The following OTULINL variants were observed in gnomAD, a reference collection of about 807,000 sequenced individuals.
OTULINL encodes inactive ubiquitin thioesterase OTULINL.
OTULINL carries 42 observed loss-of-function variants against 43.9 expected under a neutral mutation model. The ratio of observed to expected loss-of-function variants is 0.96; its 90% CI spans 0.75 to 1.24. The LOEUF (loss-of-function observed/expected upper bound fraction) is 1.24. Among genes scored for constraint, OTULINL ranks in the 50% most tolerant of loss-of-function variants. The pLI is 0.00. For missense variants in OTULINL, 411 were observed against 426.4 expected, an observed-to-expected ratio of 0.96 and a Z score of 0.32; for synonymous variants, 172 against 153.6, an observed-to-expected ratio of 1.12 and a Z score of -0.88.
At position 14,602,169 on chromosome 5, in the gene OTULINL, T is replaced by C. The variant is rs371184498; in HGVS notation, c.349-14T>C. ...GTGGAATTAATAAACAACTTTCTCTTTTTATTTTATTAGGCTTATGAGGAG... is the reference window on the plus strand; with the variant it reads ...GTGGAATTAATAAACAACTTTCTCTCTTTATTTTATTAGGCTTATGAGGAG... On this transcript the variant is annotated splice_polypyrimidine_tract_variant and intron_variant, in intron 4 of 7. Coordinates refer to ENST00000274217, the MANE Select transcript of OTULINL (RefSeq NM_019018.3). 1.8e-5 allele frequency: 28 copies of C among 1,548,230 alleles called. No individual in the cohort carries two copies. Among genetic ancestry groups the C allele is most frequent in the South Asian group, 3.8e-5 (3 of 79,112 alleles).
At chr5:14,601,574 C>A in intron 4 of OTULINL, 132 bp downstream of exon 4, 1 of 833,180 alleles carries the variant, frequency 1.2e-6, no homozygotes. Flanking sequence ...ACAACTGTGG[C>A]TCTAACTCAA....
intron 1 of OTULINL, among the ~76,000 whole-genome samples, chr5:14,592,345 A>G (rs1454563726): frequency 1.3e-5 from 2 of 152,248 alleles, no homozygotes; most frequent in African/African-American, 4.8e-5. Flanking sequence ...GATGGAAATG[A>G]TAGAACTTCG....
intron 1 of OTULINL, among the ~76,000 whole-genome samples, chr5:14,585,536 G>T (rs1416662459): frequency 5.9e-5 from 9 of 152,132 alleles, no homozygotes; most frequent in Non-Finnish European, 1.3e-4. Flanking sequence ...GGTAGACTTA[G>T]CTTCATCTGG....
Position 14,610,620 on chromosome 5 carries a change from G to A in OTULINL, c.*306G>A. 1 of 212,096 alleles carries A rather than the reference G, an allele frequency of 4.7e-6. No homozygotes were observed. Among genetic ancestry groups the A allele is most frequent in the Non-Finnish European group, 9.5e-6 (1 of 105,814 alleles). The allele number at this position is 212,096 out of a possible 1,614,324, so 13.1% of individuals were successfully genotyped here. A position where few individuals can be genotyped will look rare whatever the true frequency, so the allele number is the denominator to read the frequency against. ...AAGAAGTTTAATATGGACAACAACA[G>A]GAAAAAGCAAGAAGAAAACAAGTAG... On this transcript the variant is annotated 3_prime_UTR_variant, in exon 8 of 8. Transcript: ENST00000274217.
Position 14,601,358 on chromosome 5 carries a change from C to G in OTULINL, c.264C>G (p.Leu88=), listed in dbSNP as rs768831136. 1 of 1,613,876 alleles carries G rather than the reference C, an allele frequency of 6.2e-7. No homozygotes were observed. The highest frequency in any genetic ancestry group is 1.7e-5 in the Admixed American group (1 of 59,956). The stretch of plus-strand genomic sequence containing the variant: ...ATTTTTTATTTGGTCCAGGGAACCT[C>G]AGTGTGGAGGCAGAGGTTGATTTAC... The part of the protein sequence containing the change: ...GYLQRKFKRN[L]SVEAEVDLLS... The change falls in exon 4 of 8, where the codon CTC becomes CTG. Residue 88 remains leucine (L), a synonymous_variant. Transcript: ENST00000274217.
intron 1 of OTULINL, among the ~76,000 whole-genome samples, chr5:14,593,031 T>A (rs1313995727): frequency 6.6e-6 from 1 of 152,184 alleles, no homozygotes; most frequent in Non-Finnish European, 1.5e-5. Context: ...GTTGCCTCAG[T>A]GGTGCTCTGT....
chr5:14,609,981 A>G (rs1185083935), intron 7 of OTULINL, among the ~76,000 whole-genome samples, 160 bp from the exon 8 acceptor site: 1 of 152,014 alleles, frequency 6.6e-6, no homozygotes, highest in Non-Finnish European at 1.5e-5. Context: ...CCACACAATG[A>G]GCATTTGTTC....
chr5:14,585,405 G>A (rs997577480), intron 1 of OTULINL, among the ~76,000 whole-genome samples: 1 of 152,148 alleles, frequency 6.6e-6, no homozygotes, highest in Non-Finnish European at 1.5e-5. Context: ...ATTTCTATGA[G>A]ATGAATAAAT....
chr5:14,591,600 G>C (rs1436661794), intron 1 of OTULINL, among the ~76,000 whole-genome samples: 1 of 152,176 alleles, frequency 6.6e-6, no homozygotes, highest in Non-Finnish European at 1.5e-5. Flanking sequence ...CCTCCAGGAA[G>C]GCCTCTCCAC....
rs982422975 is a variant in OTULINL, at chr5:14,612,272, G to A, written c.*1958G>A. The A allele has an allele frequency of 6.6e-6, 1 of 152,200 alleles. No individual in the cohort carries two copies. The highest frequency in any genetic ancestry group is 1.5e-5 in the Non-Finnish European group (1 of 68,052). 9.4% of individuals were successfully genotyped at this position (152,200 alleles called of 1,614,324 possible). The stretch of plus-strand genomic sequence containing the variant: ...CCAAAATTTTGGCTCCACTTGAGCT[G>A]TCCAGAAGTGTACCTGACATTTGTG... On this transcript the variant is annotated 3_prime_UTR_variant, in exon 8 of 8. Coordinates refer to ENST00000274217, the MANE Select transcript of OTULINL (RefSeq NM_019018.3).
chr5:14,584,160 G>T (rs1230961046), intron 1 of OTULINL, among the ~76,000 whole-genome samples: 1 of 152,186 alleles, frequency 6.6e-6, no homozygotes, highest in African/African-American at 2.4e-5. Context: ...CACTGTGTTT[G>T]CAGGGAGAAT....
chr5:14,598,673 T>TGTGCTCC (rs1435460550), intron 1 of OTULINL, among the ~76,000 whole-genome samples: 6 of 152,184 alleles, frequency 3.9e-5, no homozygotes, highest in Admixed American at 3.9e-4. Context: ...ATCATGCCAC[T>TGTGCTCC]GTGCTCCATG....
intron 4 of OTULINL, 123 bp downstream of exon 4, chr5:14,601,565 CA>C (rs2126780588): frequency 1.1e-6 from 1 of 879,930 alleles, no homozygotes; most frequent in African/African-American, 1.7e-5. Context: ...AGTCAAGTAA[CA>C]ACTGTGGCTC....
intron 1 of OTULINL, among the ~76,000 whole-genome samples, chr5:14,584,533 G>A (rs1759072256): frequency 6.6e-6 from 1 of 152,124 alleles, no homozygotes; most frequent in Non-Finnish European, 1.5e-5. Context: ...TAAAAATAAT[G>A]GTAATGGCTA....
Position 14,581,824 on chromosome 5 carries a change from C to A in OTULINL, c.-71C>A. The A allele has an allele frequency of 8.1e-7, 1 of 1,235,140 alleles. No individual in the cohort carries two copies. Among genetic ancestry groups the A allele is most frequent in the South Asian group, 2.3e-5 (1 of 43,872 alleles). The allele number at this position is 1,235,140 out of a possible 1,614,324, so 76.5% of individuals were successfully genotyped here. Reference sequence around the variant, plus strand: ...GGAAGCGAGCCCGGGCGCCGGCGGGCGGCCGTCGCGTCTGACAGACCACTG... The same window carrying A: ...GGAAGCGAGCCCGGGCGCCGGCGGGAGGCCGTCGCGTCTGACAGACCACTG... On this transcript the variant is annotated 5_prime_UTR_variant, in exon 1 of 8. Coordinates refer to ENST00000274217, the MANE Select transcript of OTULINL (RefSeq NM_019018.3).
chr5:14,599,503 A>T (rs962754438), intron 1 of OTULINL, among the ~76,000 whole-genome samples: 1 of 151,930 alleles, frequency 6.6e-6, no homozygotes. Flanking sequence ...AAAAAAAAAA[A>T]TTGCTAGTGT....
chr5:14,609,037 T>A lies in OTULINL; in HGVS notation c.897+20T>A, dbSNP rs376647108. 1 of 1,595,084 alleles carries A rather than the reference T, an allele frequency of 6.3e-7. No homozygotes were observed. Among genetic ancestry groups the A allele is most frequent in the African/African-American group, 1.3e-5 (1 of 74,342 alleles). On this transcript the variant is annotated intron_variant, in intron 7 of 7. Transcript: ENST00000274217. ...GAGCAGGTAACCGGGGAGGAAGAAC[T>A]GCTTGTATTTGATTAAGGATGCTGT... is the stretch of plus-strand genomic sequence containing the variant.
intron 1 of OTULINL, among the ~76,000 whole-genome samples, chr5:14,586,185 G>C (rs922552643): frequency 2.0e-5 from 3 of 152,114 alleles, no homozygotes; most frequent in African/African-American, 7.2e-5. Context: ...AAGACAATCT[G>C]TTTTCAAAAT....
In OTULINL at chr5:14,610,284, C is replaced by T. The variant is rs200729060; in HGVS notation, c.1041C>T (p.Asn347=). The change falls in exon 8 of 8, where the codon AAC becomes AAT. Residue 347 remains asparagine, a synonymous_variant. Transcript: ENST00000274217. ...DWPEISLLTE[N]DRHYHIPVF ...CGGAGATCTCCCTGCTGACCGAGAA[C>T]GACCGCCACTACCACATTCCAGTCT... The T allele has an allele frequency of 9.9e-6, 16 of 1,611,388 alleles. No homozygotes were observed. The highest frequency in any genetic ancestry group is 1.9e-4 in the Middle Eastern group (1 of 5,358).
Sources: gnomAD v4.1 joint callset for allele counts (sites outside exome capture counted in the v4.1 genomes callset) on GRCh38, gnomAD v4.1.1 for gene constraint, MANE v1.5 for transcripts, NCBI Gene and HGNC (gene_info 2026-07-23, HGNC 2026-07-21) for gene names.